Variants in ATP10A observed in about 807,000 individuals in gnomAD.
ATP10A encodes the protein ATPase phospholipid transporting 10A (putative), also known as phospholipid-transporting ATPase VA.
ATP10A carries 111 observed loss-of-function variants against 147.8 expected under a neutral mutation model. The observed-to-expected ratio is 0.75, with a 90% CI of 0.64 to 0.88. ATP10A has a LOEUF of 0.88. Among genes scored for constraint, ATP10A ranks in the 40% least tolerant of loss-of-function variants. The pLI is 0.00. For synonymous variants in ATP10A, 875 were observed against 841.6 expected, an observed-to-expected ratio of 1.04 and a Z score of -0.69; for missense variants, 1,927 against 1,959.0, an observed-to-expected ratio of 0.98 and a Z score of 0.31.
chr15:25,828,427 C>G (rs1329974142), intron 1 of ATP10A, among the ~76,000 whole-genome samples: 1 of 152,102 alleles, frequency 6.6e-6, no homozygotes, highest in Non-Finnish European at 1.5e-5. Context: ...TTTAAAGGAT[C>G]GATACCATAC....
At chr15:25,740,965 CTCTG>C (rs1433982051) in intron 2 of ATP10A, among the ~76,000 whole-genome samples, 1 of 152,210 alleles carries the variant, frequency 6.6e-6, no homozygotes, top group African/African-American at 2.4e-5. Flanking sequence ...GCATGGCTTC[CTCTG>C]TCTTGCCATC....
intron 2 of ATP10A, among the ~76,000 whole-genome samples, chr15:25,773,561 T>C (rs966595464): frequency 8.5e-5 from 13 of 152,116 alleles, no homozygotes; most frequent in African/African-American, 2.9e-4. Context: ...AATAGTGAGA[T>C]TGGAAACTCC....
intron 3 of ATP10A, among the ~76,000 whole-genome samples, chr15:25,733,785 A>G (rs1477866432): frequency 6.6e-6 from 1 of 152,244 alleles, no homozygotes; most frequent in African/African-American, 2.4e-5. Flanking sequence ...GTACACGAGG[A>G]GACAACACGA....
At chr15:25,823,862 C>T (rs1020383439) in intron 1 of ATP10A, among the ~76,000 whole-genome samples, 3 of 152,190 alleles carry the variant, frequency 2.0e-5, no homozygotes, top group East Asian at 1.9e-4. Flanking sequence ...TTCCTATGCA[C>T]GAGGGGTTGG....
At chr15:25,699,101 T>C (rs1596707131) in intron 13 of ATP10A, among the ~76,000 whole-genome samples, 2 of 152,138 alleles carry the variant, frequency 1.3e-5, no homozygotes, top group African/African-American at 4.8e-5. Context: ...TTAAAATTCA[T>C]ATACGAAGGC....
chr15:25,836,742 C>T (rs977408616), intron 1 of ATP10A, among the ~76,000 whole-genome samples: 5 of 152,170 alleles, frequency 3.3e-5, no homozygotes, highest in African/African-American at 4.8e-5. Context: ...GGCACCAGTG[C>T]CCATAGCAAC....
chr15:25,846,717 T>C (rs779817012), intron 1 of ATP10A, among the ~76,000 whole-genome samples: 1 of 152,200 alleles, frequency 6.6e-6, no homozygotes, highest in African/African-American at 2.4e-5. Flanking sequence ...CATCACAACA[T>C]AAAGCTCCTG....
At chr15:25,829,207 T>G (rs1892248333) in intron 1 of ATP10A, among the ~76,000 whole-genome samples, 1 of 152,174 alleles carries the variant, frequency 6.6e-6, no homozygotes, top group South Asian at 2.1e-4. Context: ...CCTGGTCACA[T>G]CTGTCTGGGA....
chr15:25,775,755 T>A (rs1354675381), intron 2 of ATP10A, among the ~76,000 whole-genome samples: 1 of 152,238 alleles, frequency 6.6e-6, no homozygotes, highest in Non-Finnish European at 1.5e-5. Flanking sequence ...TGTTGGAAAC[T>A]ATTTTCTCAG....
rs987764440 is a variant in ATP10A, at chr15:25,679,288, T to C, written c.*53A>G. ...AACTCTTCTGTGCAAATAATAAACA[T>C]AAATAATATTAACATTTATTTATAT... is the stretch of plus-strand genomic sequence containing the variant. On this transcript the variant is annotated 3_prime_UTR_variant, in exon 21 of 21. Coordinates refer to ENST00000555815, the MANE Select transcript of ATP10A (RefSeq NM_024490.4). 2 of 1,186,634 alleles carry C rather than the reference T, an allele frequency of 1.7e-6. No homozygotes were observed. The highest frequency in any genetic ancestry group is 3.8e-5 in the Admixed American group (1 of 26,378). 73.5% of individuals were successfully genotyped at this position (1,186,634 alleles called of 1,614,324 possible). A position where few individuals can be genotyped will look rare whatever the true frequency, so the allele number is the denominator to read the frequency against.
chr15:25,853,148 T>C (rs530506614), intron 1 of ATP10A, among the ~76,000 whole-genome samples: 1 of 152,230 alleles, frequency 6.6e-6, no homozygotes, highest in Non-Finnish European at 1.5e-5. Context: ...GGGTAATTCA[T>C]ACAAACTGCA....
chr15:25,791,129 G>A (rs1009403020), intron 1 of ATP10A, among the ~76,000 whole-genome samples: 1 of 145,598 alleles, frequency 6.9e-6, no homozygotes, highest in Non-Finnish European at 1.5e-5. Context: ...CGCCCAGGCT[G>A]GAGTGCAGTG....
chr15:25,680,777 C>T (rs1186736339), intron 19 of ATP10A, 33 bp downstream of exon 19: 6 of 1,579,982 alleles, frequency 3.8e-6, no homozygotes, highest in Non-Finnish European at 5.2e-6. Context: ...CATCAGTGCT[C>T]TTCTGAGACG....
At chr15:25,757,898 T>C (rs4906766) in intron 2 of ATP10A, among the ~76,000 whole-genome samples, 309 of 8,688 alleles carry the variant, frequency 0.036, 7 homozygotes, top group Non-Finnish European at 0.049. Flanking sequence ...AACTCATTCC[T>C]ATCACCTGCT....
chr15:25,783,227 G>A (rs1350603846), intron 1 of ATP10A, among the ~76,000 whole-genome samples: 1 of 152,060 alleles, frequency 6.6e-6, no homozygotes, highest in Non-Finnish European at 1.5e-5. Context: ...AGAGTAAAAA[G>A]CACTAAAACA....
intron 2 of ATP10A, among the ~76,000 whole-genome samples, chr15:25,737,585 C>T (rs749051207): frequency 7.9e-5 from 12 of 152,222 alleles, no homozygotes; most frequent in Middle Eastern, 3.4e-3. Flanking sequence ...CGGCTGGCTT[C>T]CTCTGCATCC....
intron 7 of ATP10A, among the ~76,000 whole-genome samples, chr15:25,719,217 G>A (rs1047974705): frequency 6.6e-6 from 1 of 152,154 alleles, no homozygotes; most frequent in Non-Finnish European, 1.5e-5. Flanking sequence ...AAAGCAGCAG[G>A]GGCCTGTCAA....
chr15:25,823,039 T>C (rs964573564), intron 1 of ATP10A, among the ~76,000 whole-genome samples: 1 of 152,142 alleles, frequency 6.6e-6, no homozygotes, highest in Non-Finnish European at 1.5e-5. Flanking sequence ...GTACAAACTT[T>C]CAGAAATTAA....
At position 25,781,126 on chromosome 15, in the gene ATP10A, G is replaced by T. The variant is rs1373023155; in HGVS notation, c.547C>A (p.Leu183Met). Reference protein sequence around the residue: ...CNEIFPADILLLSSSDPDGLC... With the variant: ...CNEIFPADILMLSSSDPDGLC... ...CCGTCGGGGTCACTGGAGGAGAGCA[G>T]CAGAATGTCCGCAGGGAAGATTTCG... Residue 183 changes from leucine (L) to methionine (M), a missense_variant, in exon 2 of 21, where the codon CTG becomes ATG. Leu to Met is a conservative substitution (Grantham distance 15). Coordinates refer to ENST00000555815, the MANE Select transcript of ATP10A (RefSeq NM_024490.4). The T allele has an allele frequency of 4.3e-6, 7 of 1,614,120 alleles. No individual in the cohort carries two copies. Among genetic ancestry groups the T allele is most frequent in the Non-Finnish European group, 5.9e-6 (7 of 1,180,060 alleles).
Sources: allele counts gnomAD v4.1 joint callset (sites outside exome capture counted in the v4.1 genomes callset), GRCh38; gene constraint gnomAD v4.1.1; transcripts MANE v1.5; gene names NCBI Gene and HGNC (gene_info 2026-07-23, HGNC 2026-07-21).